Variants in MEGF11 observed in about 807,000 individuals in gnomAD.
MEGF11 encodes the protein multiple EGF like domains 11.
A neutral mutation model predicts 146.6 loss-of-function variants in MEGF11; 126 were observed. That is an observed-to-expected ratio of 0.86 (90% CI 0.74 to 1.00). The LOEUF is 1.00. MEGF11 is among the 50% of genes least tolerant of loss of function. The probability of loss-of-function intolerance (pLI) is 0.00; values close to 1 mark genes in which losing one functional copy is unlikely to be tolerated. For missense variants in MEGF11, 1,509 were observed against 1,521.2 expected (o/e 0.99, Z 0.13); for synonymous variants, 532 against 583.4 (o/e 0.91, Z 1.27).
intron 1 of MEGF11, among the ~76,000 whole-genome samples, chr15:66,238,663 G>A (rs1479783735): frequency 2.0e-5 from 3 of 152,176 alleles, no homozygotes; most frequent in African/African-American, 4.8e-5. Flanking sequence ...AACCCTGACT[G>A]TACAGGTGAG....
At chr15:65,967,866 C>T (rs333555) in intron 8 of MEGF11, among the ~76,000 whole-genome samples, 133,531 of 152,100 alleles carry the variant, frequency 0.88, 58,985 homozygotes, top group East Asian at 1. Flanking sequence ...ACAACACCCC[C>T]GGGCACCGTA....
Position 66,113,535 on chromosome 15 carries a change from G to A in MEGF11, c.301+5551C>T, listed in dbSNP as rs553336094. Among the ~76,000 whole-genome samples, 150 of 152,242 alleles carry A rather than the reference G, an allele frequency of 9.9e-4. 1 individual carries two copies. The highest frequency in any genetic ancestry group is 3.4e-3 in the African/African-American group (140 of 41,532). Reference sequence around the variant, plus strand: ...TGAGGCATGCTTTCTCCCTGCTGCCGCCCGCAGCAGAAGCCCTGAGTACTT... The same window carrying A: ...TGAGGCATGCTTTCTCCCTGCTGCCACCCGCAGCAGAAGCCCTGAGTACTT... On this transcript the variant is annotated intron_variant, in intron 4 of 25. Transcript: ENST00000395614.
chr15:66,201,584 G>A lies in MEGF11; in HGVS notation c.-9+52021C>T, dbSNP rs145616641. On this transcript the variant is annotated intron_variant, in intron 1 of 25. Coordinates refer to ENST00000395614, the MANE Select transcript of MEGF11 (RefSeq NM_001385028.1). Reference sequence around the variant, plus strand: ...AAAGTGTAACAAAAGAACCACTGCCGCTCTGCAATGATGGCACCTCTCCCT... The same window carrying A: ...AAAGTGTAACAAAAGAACCACTGCCACTCTGCAATGATGGCACCTCTCCCT... Among the ~76,000 whole-genome samples, 113 of 151,990 alleles carry A rather than the reference G, an allele frequency of 7.4e-4. No individual in the cohort carries two copies. The East Asian group carries it at 0.019, about 25-fold the overall frequency.
intron 1 of MEGF11, among the ~76,000 whole-genome samples, chr15:66,244,199 A>G (rs1264846201): frequency 6.6e-6 from 1 of 152,202 alleles, no homozygotes; most frequent in Admixed American, 6.5e-5. Flanking sequence ...TCTCTCCCGC[A>G]GTAAACATCG....
chr15:66,213,890 C>G (rs1170842015), intron 1 of MEGF11, among the ~76,000 whole-genome samples: 1 of 152,158 alleles, frequency 6.6e-6, no homozygotes, highest in African/African-American at 2.4e-5. Context: ...CTGCCAATGA[C>G]TATCCCCTGG....
chr15:66,178,885 A>G (rs1227054601), intron 1 of MEGF11, among the ~76,000 whole-genome samples: 1 of 152,172 alleles, frequency 6.6e-6, no homozygotes, highest in African/African-American at 2.4e-5. Flanking sequence ...AAACTCTGAG[A>G]GTTGTTTTAT....
At position 65,982,607 on chromosome 15, in the gene MEGF11, G is replaced by A; in HGVS notation, c.395-119C>T. ...TGCAGCGCTGCTCCCCGGACAGGTG[G>A]CAGCAAGGGGTGCCTGGAAGCTTTG... On this transcript the variant is annotated intron_variant, in intron 5 of 25. Coordinates refer to ENST00000395614, the MANE Select transcript of MEGF11 (RefSeq NM_001385028.1). This position sits in a 1 kb window ranked among gnomAD's most constrained non-coding sequence, Gnocchi z 5.6. 7 of 1,230,846 alleles carry A rather than the reference G, an allele frequency of 5.7e-6. No individual in the cohort carries two copies. Among genetic ancestry groups the A allele is most frequent in the Non-Finnish European group, 7.5e-6 (7 of 935,558 alleles). The allele number at this position is 1,230,846 out of a possible 1,614,324, so 76.2% of individuals were successfully genotyped here.
At chr15:66,048,548 C>T (rs1040500016) in intron 5 of MEGF11, among the ~76,000 whole-genome samples, 1 of 152,250 alleles carries the variant, frequency 6.6e-6, no homozygotes, top group African/African-American at 2.4e-5. Context: ...CCACAAAACA[C>T]CTCCCCGACA....
At chr15:65,927,678 C>T (rs1199996731) in intron 13 of MEGF11, among the ~76,000 whole-genome samples, 1 of 152,090 alleles carries the variant, frequency 6.6e-6, no homozygotes, top group African/African-American at 2.4e-5. Flanking sequence ...ATGATCCAGG[C>T]AGAGGGAATG....
chr15:66,173,409 G>T (rs374706170), intron 1 of MEGF11, among the ~76,000 whole-genome samples: 1 of 152,036 alleles, frequency 6.6e-6, no homozygotes, highest in Admixed American at 6.6e-5. Flanking sequence ...TCCTCCTCCC[G>T]GTTTCAAGCG....
chr15:65,913,963 C>G lies in MEGF11; in HGVS notation c.2484G>C (p.Met828Ile). The G allele has an allele frequency of 1.9e-6, 3 of 1,613,664 alleles. No homozygotes were observed. The highest frequency in any genetic ancestry group is 1.3e-5 in the African/African-American group (1 of 75,036). The change falls in exon 20 of 26, where the codon ATG becomes ATC. Residue 828 changes from methionine (M) to isoleucine (I), a missense_variant. Physicochemically the swap from Met to Ile is conservative, Grantham distance 10. Transcript: ENST00000395614. ...TGGTGTAGGGATTCAGCTCCTCCAT[C>G]ATGAGGGCAGCTGCGGGCAGAGGGA... is the stretch of plus-strand genomic sequence containing the variant. ...KGIRCDQAAL[M>I]MEELNPYTKI...
intron 1 of MEGF11, among the ~76,000 whole-genome samples, chr15:66,248,328 G>A (rs569661590): frequency 6.6e-6 from 1 of 152,242 alleles, no homozygotes; most frequent in South Asian, 2.1e-4. Flanking sequence ...ATTCCTTATT[G>A]TTTCAGCCAG....
At chr15:66,141,234 GTGTGT>G (rs2089134512) in intron 1 of MEGF11, among the ~76,000 whole-genome samples, 1 of 58,464 alleles carries the variant, frequency 1.7e-5, no homozygotes, top group Non-Finnish European at 3.3e-5. Context: ...AGACTCAGGG[GTGTGT>G]GTGTGTGTGT....
At chr15:65,922,132 T>G in intron 15 of MEGF11, 1 of 602,990 alleles carries the variant, frequency 1.7e-6, no homozygotes, top group Non-Finnish European at 2.9e-6. Flanking sequence ...ACAAATCATT[T>G]CACTTCTGTG....
intron 1 of MEGF11, among the ~76,000 whole-genome samples, chr15:66,195,273 G>T (rs995581117): frequency 7.9e-5 from 12 of 152,162 alleles, no homozygotes; most frequent in Admixed American, 5.2e-4. Flanking sequence ...CACATTCTGA[G>T]GTATTGGGGA....
intron 5 of MEGF11, among the ~76,000 whole-genome samples, chr15:66,018,126 AAAGG>A (rs1287897062): frequency 6.6e-6 from 1 of 152,120 alleles, no homozygotes; most frequent in African/African-American, 2.4e-5. Flanking sequence ...AGCCTCAGGA[AAAGG>A]AAGGGCAGTC....
chr15:66,197,285 CAG>C (rs1163230101), intron 1 of MEGF11, among the ~76,000 whole-genome samples: 1 of 152,082 alleles, frequency 6.6e-6, no homozygotes, highest in Admixed American at 6.6e-5. Context: ...TCTGATTCAT[CAG>C]AGTCTGATGC....
chr15:66,147,354 C>G (rs2089412284), intron 1 of MEGF11, among the ~76,000 whole-genome samples: 1 of 152,232 alleles, frequency 6.6e-6, no homozygotes, highest in Non-Finnish European at 1.5e-5. Context: ...TCACTCAAGA[C>G]AGAAGTACCT....
chr15:66,030,117 C>T (rs1481966256), intron 5 of MEGF11, among the ~76,000 whole-genome samples: 1 of 152,214 alleles, frequency 6.6e-6, no homozygotes, highest in East Asian at 1.9e-4. Flanking sequence ...CCTTCAGGCT[C>T]AAACACCTGA....
Sources: gnomAD v4.1 joint callset for allele counts (sites outside exome capture counted in the v4.1 genomes callset) on GRCh38, gnomAD v4.1.1 for gene constraint, Gnocchi (gnomAD v3.1) non-coding constraint, MANE v1.5 for transcripts, NCBI Gene and HGNC (gene_info 2026-07-23, HGNC 2026-07-21) for gene names.